Variants in OXCT1 observed in about 807,000 individuals in gnomAD.
OXCT1 encodes the protein succinyl-CoA:3-ketoacid coenzyme A transferase 1, mitochondrial.
Under a neutral mutation model 69.6 loss-of-function variants are expected in OXCT1, and 27 were observed. The observed-to-expected ratio is 0.39, with a 90% CI of 0.29 to 0.54. The LOEUF is 0.54. Ranked by LOEUF, OXCT1 falls within the 20% of genes least tolerant of loss-of-function variation. OXCT1 has a pLI of 0.72. For missense variants in OXCT1, 437 were observed against 650.2 expected (o/e 0.67, Z 3.57); for synonymous variants, 202 against 217.8 (o/e 0.93, Z 0.64).
At chr5:41,769,088 G>C (rs1294850047) in intron 13 of OXCT1, among the ~76,000 whole-genome samples, 1 of 152,056 alleles carries the variant, frequency 6.6e-6, no homozygotes, top group Non-Finnish European at 1.5e-5. Flanking sequence ...ACAGACCTCT[G>C]TCCCACGCTA....
At chr5:41,857,708 C>G (rs533526907) in intron 3 of OXCT1, among the ~76,000 whole-genome samples, 2 of 152,348 alleles carry the variant, frequency 1.3e-5, no homozygotes, top group South Asian at 2.1e-4. Context: ...AACAGCACCC[C>G]TCCAATACAA....
At chr5:41,844,182 T>G (rs1183082036) in intron 5 of OXCT1, among the ~76,000 whole-genome samples, 1 of 152,060 alleles carries the variant, frequency 6.6e-6, no homozygotes, top group African/African-American at 2.4e-5. Flanking sequence ...GGGGAAGGAG[T>G]TGGTTTTGTC....
intron 13 of OXCT1, among the ~76,000 whole-genome samples, chr5:41,774,482 A>G (rs892961711): frequency 1.1e-4 from 17 of 152,338 alleles, no homozygotes; most frequent in African/African-American, 4.1e-4. Context: ...AGCATCTTGT[A>G]GTAGCAGAAA....
intron 7 of OXCT1, among the ~76,000 whole-genome samples, chr5:41,817,813 G>C (rs1747323501): frequency 6.6e-6 from 1 of 152,176 alleles, no homozygotes; most frequent in Admixed American, 6.5e-5. Flanking sequence ...CACACCTTGA[G>C]ATAAAATGAT....
chr5:41,859,649 A>G (rs1205605137), intron 3 of OXCT1, among the ~76,000 whole-genome samples: 1 of 151,882 alleles, frequency 6.6e-6, no homozygotes, highest in East Asian at 1.9e-4. Flanking sequence ...AGACAAAATA[A>G]CTAAATCCTA....
intron 9 of OXCT1, 140 bp downstream of exon 9, chr5:41,805,423 TAAAA>T: frequency 1.1e-5 from 6 of 570,006 alleles, no homozygotes; most frequent in Admixed American, 3.0e-5. Flanking sequence ...CCACATTTTG[TAAAA>T]AAAAAAAAAA....
chr5:41,854,918 C>G (rs919529030), intron 3 of OXCT1, among the ~76,000 whole-genome samples: 1 of 152,164 alleles, frequency 6.6e-6, no homozygotes, highest in African/African-American at 2.4e-5. Context: ...GTCAGCAATT[C>G]CATTCTGGGT....
chr5:41,811,807 A>G (rs376572647), intron 7 of OXCT1, among the ~76,000 whole-genome samples: 50 of 152,182 alleles, frequency 3.3e-4, no homozygotes, highest in African/African-American at 1.2e-3. Context: ...ACAATGTCCA[A>G]TGAAAATAAA....
At chr5:41,835,818 G>A (rs868772786) in intron 7 of OXCT1, among the ~76,000 whole-genome samples, 4 of 152,156 alleles carry the variant, frequency 2.6e-5, no homozygotes, top group Admixed American at 6.5e-5. Flanking sequence ...CAGCTTCAGT[G>A]GCTGAGTCAG....
At chr5:41,851,180 T>G (rs559266203) in intron 4 of OXCT1, among the ~76,000 whole-genome samples, 1 of 152,328 alleles carries the variant, frequency 6.6e-6, no homozygotes, top group African/African-American at 2.4e-5. Flanking sequence ...GTGTTCATAT[T>G]GTCCCAACCT....
At chr5:41,806,778 A>G (rs1746700890) in intron 8 of OXCT1, among the ~76,000 whole-genome samples, 1 of 152,100 alleles carries the variant, frequency 6.6e-6, no homozygotes, top group African/African-American at 2.4e-5. Flanking sequence ...ACCCAGTCTC[A>G]GGTATTCTTT....
At chr5:41,803,195 T>A (rs890155403) in intron 9 of OXCT1, 32 bp from the exon 10 acceptor site, 5 of 1,407,874 alleles carry the variant, frequency 3.6e-6, no homozygotes, top group Non-Finnish European at 5.0e-6. Flanking sequence ...GTCCAGCATA[T>A]AAAAGGTAGA....
chr5:41,848,609 G>C (rs1749037619), intron 5 of OXCT1, among the ~76,000 whole-genome samples: 1 of 149,072 alleles, frequency 6.7e-6, no homozygotes, highest in Non-Finnish European at 1.5e-5. Flanking sequence ...GAACAGAACA[G>C]AGCCCTCAGA....
intron 5 of OXCT1, among the ~76,000 whole-genome samples, chr5:41,849,009 G>A (rs1010184040): frequency 6.6e-6 from 1 of 152,158 alleles, no homozygotes; most frequent in Non-Finnish European, 1.5e-5. Context: ...CCTACAAAAT[G>A]GGAGAAAATT....
chr5:41,822,024 G>C (rs535252074), intron 7 of OXCT1, among the ~76,000 whole-genome samples: 1 of 152,138 alleles, frequency 6.6e-6, no homozygotes, highest in African/African-American at 2.4e-5. Context: ...TTTCCGATGA[G>C]TTTTCTATTT....
intron 15 of OXCT1, 38 bp downstream of exon 15, chr5:41,749,489 A>T: frequency 7.5e-7 from 1 of 1,327,772 alleles, no homozygotes; most frequent in Non-Finnish European, 1.1e-6. Flanking sequence ...AAAAATGCTT[A>T]CTTAAAACAT....
chr5:41,832,333 C>CAGAGAGAGAGAG (rs148562121), intron 7 of OXCT1, among the ~76,000 whole-genome samples: 4 of 147,126 alleles, frequency 2.7e-5, no homozygotes, highest in African/African-American at 1.0e-4. Context: ...CGGTTCAGCA[C>CAGAGAGAGAGAG]AGAGAGAGAG....
intron 1 of OXCT1, 111 bp from the exon 2 acceptor site, chr5:41,862,861 A>G (rs1749806450): frequency 1.4e-6 from 1 of 690,902 alleles, no homozygotes; most frequent in Non-Finnish European, 2.6e-6. Flanking sequence ...TATCTCCTTT[A>G]TATATACACG....
chr5:41,826,223 C>T (rs954106959), intron 7 of OXCT1, among the ~76,000 whole-genome samples: 5 of 152,070 alleles, frequency 3.3e-5, no homozygotes, highest in Admixed American at 1.3e-4. Flanking sequence ...TTTAAGCTAA[C>T]AATATTTTTA....
Sources: allele counts gnomAD v4.1 joint callset (sites outside exome capture counted in the v4.1 genomes callset), GRCh38; gene constraint gnomAD v4.1.1; transcripts MANE v1.5; gene names NCBI Gene and HGNC (gene_info 2026-07-23, HGNC 2026-07-21).